CPLANE1: variants seen among roughly 807,000 people sequenced by gnomAD.
CPLANE1 encodes ciliogenesis and planar polarity effector complex subunit 1.
Under a neutral mutation model 362.5 loss-of-function variants are expected in CPLANE1, and 263 were observed. The ratio of observed to expected loss-of-function variants is 0.73; its 90% CI spans 0.66 to 0.80. The LOEUF (loss-of-function observed/expected upper bound fraction) is 0.80, where lower values mean the gene tolerates loss of function less well. Ranked by LOEUF, CPLANE1 falls within the 30% of genes least tolerant of loss-of-function variation. The probability of loss-of-function intolerance (pLI) is 0.00; values close to 1 mark genes in which losing one functional copy is unlikely to be tolerated. For missense variants in CPLANE1, 3,461 were observed against 3,793.4 expected, an observed-to-expected ratio of 0.91 and a Z score of 2.30; for synonymous variants, 1,212 against 1,302.6, an observed-to-expected ratio of 0.93 and a Z score of 1.50.
At chr5:37,131,501 A>T (rs1765773469) in intron 46 of CPLANE1, among the ~76,000 whole-genome samples, 1 of 151,836 alleles carries the variant, frequency 6.6e-6, no homozygotes, top group South Asian at 2.1e-4. Flanking sequence ...CTCCAAGAGC[A>T]GAAACTGTAT....
intron 2 of CPLANE1, 72 bp downstream of exon 2, chr5:37,247,546 C>T: frequency 7.6e-7 from 1 of 1,316,616 alleles, no homozygotes; most frequent in South Asian, 1.4e-5. Flanking sequence ...TCATAGAACA[C>T]TCCTATATTA....
chr5:37,189,438 G>A (rs10071931), intron 21 of CPLANE1, among the ~76,000 whole-genome samples: 2,114 of 152,204 alleles, frequency 0.014, 52 homozygotes, highest in African/African-American at 0.048. Context: ...TCTGCCGGGG[G>A]AGCACGGCCC....
intron 32 of CPLANE1, among the ~76,000 whole-genome samples, chr5:37,172,626 G>T (rs887863941): frequency 6.6e-6 from 1 of 152,294 alleles, no homozygotes; most frequent in African/African-American, 2.4e-5. Context: ...ATTAGTTTCA[G>T]TAAGTTTCAT....
chr5:37,079,854 G>A, the CPLANE1 span, among the ~76,000 whole-genome samples: 3 of 152,130 alleles, frequency 2.0e-5, no homozygotes, highest in African/African-American at 7.2e-5. Context: ...ATAAAGCATA[G>A]TACATGGTGA....
intron 15 of CPLANE1, among the ~76,000 whole-genome samples, chr5:37,218,085 T>C (rs1370397370): frequency 6.6e-6 from 1 of 152,228 alleles, no homozygotes; most frequent in East Asian, 1.9e-4. Flanking sequence ...GGAACTACCA[T>C]AGCATGCATG....
Position 37,106,812 on chromosome 5 carries a change from T to A in CPLANE1, c.*790A>T. 4.1e-6 allele frequency: 4 copies of A among 964,900 alleles called. No homozygotes were observed. The highest frequency in any genetic ancestry group is 4.9e-6 in the Non-Finnish European group (4 of 811,324). The allele number at this position is 964,900 out of a possible 1,614,324, so 59.8% of individuals were successfully genotyped here. ...TGTGCTTTTATATTATACCAAACATTGATGAAGTAGTTGAAGGATACTGGT... is the reference window on the plus strand; with the variant it reads ...TGTGCTTTTATATTATACCAAACATAGATGAAGTAGTTGAAGGATACTGGT... On this transcript the variant is annotated 3_prime_UTR_variant, in exon 53 of 53. Coordinates refer to ENST00000651892, the MANE Select transcript of CPLANE1 (RefSeq NM_001384732.1).
At chr5:37,183,954 T>C (rs1783316560) in intron 25 of CPLANE1, among the ~76,000 whole-genome samples, 1 of 152,150 alleles carries the variant, frequency 6.6e-6, no homozygotes, top group Admixed American at 6.6e-5. Context: ...TTAAAATGTG[T>C]CCACAGAAAT....
rs1427163113 is a variant in CPLANE1 at position 37,177,698 on chromosome 5, C to A, written c.5823G>T (p.Glu1941Asp). 6.2e-7 allele frequency: 1 copy of A among 1,612,038 alleles called. No individual in the cohort carries two copies. The highest frequency in any genetic ancestry group is 8.5e-7 in the Non-Finnish European group (1 of 1,178,618). The change falls in exon 30 of 53, where the codon GAG becomes GAT. Residue 1941 changes from glutamate to aspartate, a missense_variant and splice_region_variant. This residue lies in a region of CPLANE1 where 3,380 missense variants were observed against 3,666.1 expected (regional missense o/e 0.92). Coordinates refer to ENST00000651892, the MANE Select transcript of CPLANE1 (RefSeq NM_001384732.1). ...MMTLPQQLEE[E>D]FTEEVQCQRE... is the part of the protein sequence containing the mutation. ...TTTGACACTGAACCTCTTCTGTGAA[C>A]TCCTGTTAAAATGAATAGTACCCAA... is the stretch of plus-strand genomic sequence containing the variant.
intron 46 of CPLANE1, among the ~76,000 whole-genome samples, chr5:37,127,851 T>G (rs1412225261): frequency 1.3e-5 from 2 of 152,036 alleles, no homozygotes; most frequent in African/African-American, 4.8e-5. Flanking sequence ...ATTTATTTAT[T>G]TGTGTTTTTG....
intron 18 of CPLANE1, among the ~76,000 whole-genome samples, chr5:37,202,410 C>T (rs1237163064): frequency 6.6e-6 from 1 of 151,992 alleles, no homozygotes; most frequent in Non-Finnish European, 1.5e-5. Context: ...CACCTAGCCT[C>T]CTAAAGTCCT....
rs932648560 is a variant in CPLANE1, at chr5:37,119,813, G to A, written c.9310+403C>T. Reference sequence around the variant, plus strand: ...ATCCTGGCTAACACAATGAAACCCCGTCTCTACTAAAAAAATACAAAAAAT... The same window carrying A: ...ATCCTGGCTAACACAATGAAACCCCATCTCTACTAAAAAAATACAAAAAAT... On this transcript the variant is annotated intron_variant, in intron 50 of 52. Transcript: ENST00000651892. Among the ~76,000 whole-genome samples the A allele has an allele frequency of 9.4e-5, 14 of 149,598 alleles. 1 individual carries two copies. The East Asian group carries it at 1.4e-3, about 15-fold the overall frequency.
intron 6 of CPLANE1, among the ~76,000 whole-genome samples, chr5:37,240,549 A>G (rs1179838150): frequency 1.3e-5 from 2 of 152,038 alleles, no homozygotes; most frequent in African/African-American, 4.8e-5. Flanking sequence ...GGCTCTTTTA[A>G]ACAACCAGAT....
At chr5:37,100,191 T>A in the CPLANE1 span, among the ~76,000 whole-genome samples, 1 of 152,220 alleles carries the variant, frequency 6.6e-6, no homozygotes, top group African/African-American at 2.4e-5. Flanking sequence ...CCAGTGCTGA[T>A]GTTCTGAATG....
At chr5:37,083,455 TAAG>T in the CPLANE1 span, among the ~76,000 whole-genome samples, 1 of 151,846 alleles carries the variant, frequency 6.6e-6, no homozygotes, top group Non-Finnish European at 1.5e-5. Flanking sequence ...GAAAAAGAAT[TAAG>T]AAGTTTAGTT....
At chr5:37,085,318 T>G in the CPLANE1 span, 1 of 1,226,618 alleles carries the variant, frequency 8.2e-7, no homozygotes, top group Non-Finnish European at 1.2e-6. Context: ...TTCATGGATG[T>G]CATCAGCATT....
chr5:37,110,045 T>C (rs1005244992), intron 51 of CPLANE1, among the ~76,000 whole-genome samples: 1 of 152,166 alleles, frequency 6.6e-6, no homozygotes, highest in African/African-American at 2.4e-5. Flanking sequence ...ATCAAATAGT[T>C]TCCTCCCATC....
the CPLANE1 span, among the ~76,000 whole-genome samples, chr5:37,079,450 T>G: frequency 3.3e-5 from 5 of 152,212 alleles, no homozygotes; most frequent in Non-Finnish European, 5.9e-5. Context: ...ATGTTGTTTG[T>G]TTTTAAATTA....
At chr5:37,076,198 G>A in the CPLANE1 span, among the ~76,000 whole-genome samples, 1 of 151,468 alleles carries the variant, frequency 6.6e-6, no homozygotes, top group African/African-American at 2.4e-5. Flanking sequence ...AGGCTGCAGT[G>A]GGCAATGATC....
At chr5:37,108,179 T>A in intron 52 of CPLANE1, 114 bp downstream of exon 52, 1 of 1,002,138 alleles carries the variant, frequency 1.0e-6, no homozygotes, top group Non-Finnish European at 1.5e-6. Flanking sequence ...TAACAACTTT[T>A]CAGTATTTCC....
Sources: allele counts gnomAD v4.1 joint callset (sites outside exome capture counted in the v4.1 genomes callset), GRCh38; gene constraint gnomAD v4.1.1; regional missense constraint gnomAD v4.1.1; transcripts MANE v1.5; gene names NCBI Gene and HGNC (gene_info 2026-07-23, HGNC 2026-07-21).